RAC1: variants seen among roughly 807,000 people sequenced by gnomAD.
The protein encoded by RAC1 is ras-related C3 botulinum toxin substrate 1.
Under a neutral mutation model 25.2 loss-of-function variants are expected in RAC1, and 2 were observed. The ratio of observed to expected loss-of-function variants is 0.08; its 90% CI spans 0.03 to 0.25. RAC1 has a LOEUF of 0.25. Among genes scored for constraint, RAC1 ranks in the 10% least tolerant of loss-of-function variants. The pLI, the probability that RAC1 is intolerant of heterozygous loss-of-function variation, is 1.00. For synonymous variants in RAC1, 88 were observed against 94.0 expected (o/e 0.94, Z 0.37); for missense variants, 50 against 235.7 (o/e 0.21, Z 5.16).
At chr7:6,390,843 T>C (rs896205379) in intron 2 of RAC1, among the ~76,000 whole-genome samples, 1 of 152,148 alleles carries the variant, frequency 6.6e-6, no homozygotes, top group Non-Finnish European at 1.5e-5. Context: ...TCCAATAATT[T>C]TTTTCTTATG....
chr7:6,402,213 C>T, intron 5 of RAC1, 103 bp from the exon 6 acceptor site: 1 of 1,497,692 alleles, frequency 6.7e-7, no homozygotes, highest in Non-Finnish European at 8.9e-7. Flanking sequence ...GGGCTGGGAG[C>T]CGGCAGAAGG....
intron 4 of RAC1, among the ~76,000 whole-genome samples, chr7:6,400,502 A>G (rs1783366501): frequency 6.6e-6 from 1 of 151,644 alleles, no homozygotes; most frequent in African/African-American, 2.4e-5. Flanking sequence ...GCTAATCTTA[A>G]AAGAATTTTT....
intron 1 of RAC1, among the ~76,000 whole-genome samples, chr7:6,376,675 T>A (rs866655047): frequency 0.1 from 8,693 of 83,324 alleles, 678 homozygotes; most frequent in African/African-American, 0.31. Context: ...CTAATTTGTT[T>A]TTTTTTTTTT....
intron 3 of RAC1, among the ~76,000 whole-genome samples, chr7:6,398,884 A>G (rs1192435866): frequency 1.3e-5 from 2 of 152,162 alleles, no homozygotes; most frequent in African/African-American, 2.4e-5. Context: ...TTAGAGTGTG[A>G]TAGTTTACCC....
intron 2 of RAC1, among the ~76,000 whole-genome samples, chr7:6,388,427 C>T (rs1310577621): frequency 7.4e-5 from 11 of 148,190 alleles, no homozygotes; most frequent in Admixed American, 1.4e-4. Flanking sequence ...CTCACTGCAG[C>T]GTCTGCCTCC....
At chr7:6,386,814 G>GA (rs1227557507) in intron 1 of RAC1, among the ~76,000 whole-genome samples, 5 of 149,520 alleles carry the variant, frequency 3.3e-5, no homozygotes, top group African/African-American at 7.4e-5. Context: ...AGAAAAAAAA[G>GA]AAAAAAAGAA....
At chr7:6,392,185 T>C (rs1463572965) in intron 3 of RAC1, 144 bp downstream of exon 3, 7 of 1,397,614 alleles carry the variant, frequency 5.0e-6, no homozygotes, top group East Asian at 4.8e-5. Flanking sequence ...ATTGGTTCCA[T>C]GTAAACATCC....
rs35230278 is a variant in RAC1, at chr7:6,394,918, G to A, written c.225+2877G>A. Among the ~76,000 whole-genome samples the A allele has an allele frequency of 1.7e-3, 266 of 152,186 alleles. 1 individual carries two copies. The highest frequency in any genetic ancestry group is 6.0e-3 in the African/African-American group (249 of 41,530). On this transcript the variant is annotated intron_variant, in intron 3 of 5. Coordinates refer to ENST00000348035, the MANE Select transcript of RAC1 (RefSeq NM_006908.5). ...CGCCCAGGCTGGAGTGCAATGGTGC[G>A]ATCTTGGCTCACTGCAAGCTTCACC...
chr7:6,391,559 A>G, intron 2 of RAC1: 1 of 252,494 alleles, frequency 4.0e-6, no homozygotes. Flanking sequence ...TGAGCAACAT[A>G]AGTACATGAA....
chr7:6,385,537 G>A (rs1257745903), intron 1 of RAC1, among the ~76,000 whole-genome samples: 1 of 152,170 alleles, frequency 6.6e-6, no homozygotes, highest in Non-Finnish European at 1.5e-5. Context: ...AGCTTTTAAC[G>A]AAATGTATGT....
At position 6,403,395 on chromosome 7, in the gene RAC1, C is replaced by T. The variant is rs532631334; in HGVS notation, c.*949C>T. 4.7e-6 allele frequency: 1 copy of T among 212,662 alleles called. No homozygotes were observed. The highest frequency in any genetic ancestry group is 7.1e-5 in the East Asian group (1 of 14,100). The allele number at this position is 212,662 out of a possible 1,614,324, so 13.2% of individuals were successfully genotyped here. ...AACTGGTTGTTCTGTTAGTCGCTAA[C>T]TTAGTAAGTGCTTTTCTTATAGAAC... On this transcript the variant is annotated 3_prime_UTR_variant, in exon 6 of 6. Transcript: ENST00000348035.
intron 3 of RAC1, among the ~76,000 whole-genome samples, chr7:6,399,026 G>T (rs1453667976): frequency 1.3e-5 from 2 of 152,182 alleles, no homozygotes; most frequent in African/African-American, 2.4e-5. Context: ...AGCCCACCTG[G>T]CTGTGAGCCG....
chr7:6,375,643 G>C (rs1782561260), intron 1 of RAC1, among the ~76,000 whole-genome samples: 1 of 151,970 alleles, frequency 6.6e-6, no homozygotes, highest in Admixed American at 6.6e-5. Context: ...GGCTGTAATG[G>C]GGGACTGTTT....
intron 3 of RAC1, chr7:6,398,535 T>C (rs768093989): frequency 1.2e-4 from 89 of 724,356 alleles, no homozygotes; most frequent in Non-Finnish European, 2.0e-4. Context: ...TTAGAATCTA[T>C]TGTATGCTTT....
intron 1 of RAC1, among the ~76,000 whole-genome samples, chr7:6,381,518 G>T (rs1422226968): frequency 1.3e-5 from 2 of 151,612 alleles, no homozygotes; most frequent in African/African-American, 4.9e-5. Flanking sequence ...TCAGCCTCCT[G>T]AGTAGCTGAG....
chr7:6,396,741 G>C (rs1783245916), intron 3 of RAC1, among the ~76,000 whole-genome samples: 1 of 152,192 alleles, frequency 6.6e-6, no homozygotes, highest in Admixed American at 6.5e-5. Context: ...AGTCAGGAAA[G>C]CTTGAGTGGC....
intron 3 of RAC1, among the ~76,000 whole-genome samples, chr7:6,395,603 A>T (rs1025711242): frequency 2.0e-5 from 3 of 152,054 alleles, no homozygotes; most frequent in African/African-American, 7.2e-5. Flanking sequence ...TGTTTTTTTT[A>T]AAGTTTACTT....
intron 4 of RAC1, among the ~76,000 whole-genome samples, chr7:6,401,043 C>A (rs954499698): frequency 1.3e-5 from 2 of 152,002 alleles, no homozygotes; most frequent in Admixed American, 6.6e-5. Context: ...TGCAACCTCC[C>A]CCTCCCGGTT....
At chr7:6,378,525 G>C (rs189382019) in intron 1 of RAC1, among the ~76,000 whole-genome samples, 56 of 151,580 alleles carry the variant, frequency 3.7e-4, no homozygotes, top group African/African-American at 1.3e-3. Context: ...CAGCCTGGGC[G>C]ACAAGAGCAA....
Sources: allele counts gnomAD v4.1 joint callset (sites outside exome capture counted in the v4.1 genomes callset), GRCh38; gene constraint gnomAD v4.1.1; transcripts MANE v1.5; gene names NCBI Gene and HGNC (gene_info 2026-07-23, HGNC 2026-07-21).